Variants in MKLN1 observed in about 807,000 individuals in gnomAD.
MKLN1 encodes muskelin.
MKLN1 carries 18 observed loss-of-function variants against 99.0 expected under a neutral mutation model. The ratio of observed to expected loss-of-function variants is 0.18; its 90% CI spans 0.13 to 0.27. The LOEUF (loss-of-function observed/expected upper bound fraction) is 0.27. Ranked by LOEUF, MKLN1 falls within the 10% of genes least tolerant of loss-of-function variation. The pLI is 1.00. For synonymous variants in MKLN1, 288 were observed against 293.2 expected (o/e 0.98, Z 0.18); for missense variants, 621 against 875.9 (o/e 0.71, Z 3.67).
intron 3 of MKLN1, among the ~76,000 whole-genome samples, chr7:131,229,831 A>G (rs923873469): frequency 2.6e-5 from 4 of 152,150 alleles, no homozygotes; most frequent in African/African-American, 9.7e-5. Flanking sequence ...TAGGATTACA[A>G]GCCCAAGCCA....
At chr7:131,439,480 C>G (rs1024831350) in intron 10 of MKLN1, among the ~76,000 whole-genome samples, 5 of 152,098 alleles carry the variant, frequency 3.3e-5, no homozygotes, top group African/African-American at 1.2e-4. Context: ...ACAAGGATTT[C>G]AGTACTAATT....
chr7:131,275,684 G>T (rs1797961862), intron 3 of MKLN1, among the ~76,000 whole-genome samples: 1 of 147,908 alleles, frequency 6.8e-6, no homozygotes, highest in Non-Finnish European at 1.5e-5. Context: ...GCCTGCCTTG[G>T]TCTCTCAAAG....
intron 2 of MKLN1, among the ~76,000 whole-genome samples, chr7:131,171,073 C>T (rs1370128449): frequency 1.3e-5 from 2 of 152,176 alleles, no homozygotes; most frequent in Non-Finnish European, 2.9e-5. Context: ...AACAACCCGA[C>T]ATCATAAAGA....
At chr7:131,412,770 A>G (rs976932764) in intron 7 of MKLN1, among the ~76,000 whole-genome samples, 2 of 152,216 alleles carry the variant, frequency 1.3e-5, no homozygotes, top group South Asian at 2.1e-4. Context: ...TGTTAAAGGA[A>G]GGCAGTTCTA....
At chr7:131,325,906 G>T (rs543718307), upstream of MKLN1, among the ~76,000 whole-genome samples, 1 of 149,196 alleles carries the variant, frequency 6.7e-6, no homozygotes, top group African/African-American at 2.5e-5. Context: ...AAAGTGGGGG[G>T]GGGGTGGTGG....
At chr7:131,415,938 A>G (rs1426125360) in intron 8 of MKLN1, among the ~76,000 whole-genome samples, 1 of 152,078 alleles carries the variant, frequency 6.6e-6, no homozygotes, top group Non-Finnish European at 1.5e-5. Context: ...TAAGGAAAAT[A>G]TTATTAAACA....
intron 2 of MKLN1, among the ~76,000 whole-genome samples, chr7:131,178,937 T>A (rs1266810709): frequency 6.6e-6 from 1 of 152,238 alleles, no homozygotes; most frequent in African/African-American, 2.4e-5. Context: ...TTATTTTTAC[T>A]GTGTATTATA....
At position 131,293,127 on chromosome 7, in the gene MKLN1, A is replaced by G. The variant is rs185400047; in HGVS notation, c.-178-82297A>G. 9.5e-4 allele frequency among the ~76,000 whole-genome samples: 144 copies of G among 152,096 alleles called. 2 individuals are homozygous for G. The highest frequency in any genetic ancestry group is 3.2e-3 in the African/African-American group (132 of 41,492). ...CCTAGGCCTCAACAGAGGCTTCTACACTCTTTCAGACCCTGCCTTTTCCAT... is the reference window on the plus strand; with the variant it reads ...CCTAGGCCTCAACAGAGGCTTCTACGCTCTTTCAGACCCTGCCTTTTCCAT... On this transcript the variant is annotated intron_variant, in intron 3 of 7. Transcript: ENST00000416992.
At chr7:131,258,096 G>C (rs1451398143) in intron 3 of MKLN1, among the ~76,000 whole-genome samples, 1 of 151,044 alleles carries the variant, frequency 6.6e-6, no homozygotes, top group South Asian at 2.1e-4. Context: ...ACTCCAGCCT[G>C]GGTGACAGAG....
intron 1 of MKLN1, among the ~76,000 whole-genome samples, chr7:131,110,936 C>G (rs1326041554): frequency 6.6e-6 from 1 of 152,214 alleles, no homozygotes; most frequent in Non-Finnish European, 1.5e-5. Context: ...AAACTCTGAA[C>G]AATTTCACCT....
intron 3 of MKLN1, among the ~76,000 whole-genome samples, chr7:131,319,622 G>C (rs1798735721): frequency 6.6e-6 from 1 of 152,130 alleles, no homozygotes; most frequent in Non-Finnish European, 1.5e-5. Flanking sequence ...AAGAAATAAA[G>C]GGTATTCAAA....
intron 4 of MKLN1, among the ~76,000 whole-genome samples, chr7:131,390,064 A>T (rs1437270435): frequency 2.0e-5 from 3 of 152,172 alleles, no homozygotes; most frequent in Admixed American, 2.0e-4. Context: ...AAACATAGTC[A>T]TTGTTTGCCA....
intron 2 of MKLN1, among the ~76,000 whole-genome samples, chr7:131,153,092 G>A (rs927295609): frequency 1.3e-5 from 2 of 149,706 alleles, no homozygotes; most frequent in South Asian, 4.2e-4. Context: ...CCATTAGGTG[G>A]TACATAAAAA....
At chr7:131,113,732 G>A (rs1440176826) in intron 1 of MKLN1, among the ~76,000 whole-genome samples, 9 of 151,990 alleles carry the variant, frequency 5.9e-5, no homozygotes, top group African/African-American at 2.2e-4. Context: ...AGCTCCTCAG[G>A]AGGATCACTT....
chr7:131,369,399 A>G (rs993653549), intron 1 of MKLN1, among the ~76,000 whole-genome samples: 1 of 152,180 alleles, frequency 6.6e-6, no homozygotes, highest in Non-Finnish European at 1.5e-5. Context: ...CATCAATTTG[A>G]TGGGTAAAAA....
chr7:131,291,211 A>C (rs1053227580), intron 3 of MKLN1, among the ~76,000 whole-genome samples: 6 of 150,768 alleles, frequency 4.0e-5, no homozygotes, highest in African/African-American at 1.5e-4. Context: ...GCTCACTGCA[A>C]CCTCCGCCTC....
intron 3 of MKLN1, among the ~76,000 whole-genome samples, chr7:131,228,098 C>G (rs771947450): frequency 6.6e-6 from 1 of 152,186 alleles, no homozygotes; most frequent in Non-Finnish European, 1.5e-5. Flanking sequence ...GGGTCTCCCT[C>G]TGTTCCCCAG....
intron 16 of MKLN1, among the ~76,000 whole-genome samples, chr7:131,473,693 T>C (rs904882092): frequency 6.6e-6 from 1 of 152,202 alleles, no homozygotes; most frequent in African/African-American, 2.4e-5. Context: ...CTGGTGTCAT[T>C]CATTTAACAG....
chr7:131,367,239 TAATATTAAAC>T (rs1249403887), intron 1 of MKLN1, among the ~76,000 whole-genome samples: 1 of 152,234 alleles, frequency 6.6e-6, no homozygotes, highest in African/African-American at 2.4e-5. Context: ...ATGTACATTT[TAATATTAAAC>T]TAACCTGATG....
Sources: gnomAD v4.1 joint callset for allele counts (sites outside exome capture counted in the v4.1 genomes callset) on GRCh38, gnomAD v4.1.1 for gene constraint, MANE v1.5 for transcripts, NCBI Gene and HGNC (gene_info 2026-07-23, HGNC 2026-07-21) for gene names.